The following GPX8 variants were observed in gnomAD, a reference collection of about 807,000 sequenced individuals.
GPX8 encodes the protein protein peroxidase GPX8.
A neutral mutation model predicts 17.8 loss-of-function variants in GPX8; 12 were observed. The observed-to-expected ratio is 0.67, with a 90% CI of 0.43 to 1.09. The LOEUF (loss-of-function observed/expected upper bound fraction) is 1.09. Ranked by LOEUF, GPX8 falls within the 50% of genes least tolerant of loss-of-function variation. The pLI is 0.00. For synonymous variants in GPX8, 86 were observed against 88.1 expected, an observed-to-expected ratio of 0.98 and a Z score of 0.14; for missense variants, 209 against 235.6, an observed-to-expected ratio of 0.89 and a Z score of 0.74.
chr5:55,163,820 T>G (rs1744224454), intron 2 of GPX8, among the ~76,000 whole-genome samples: 2 of 149,824 alleles, frequency 1.3e-5, no homozygotes, highest in Admixed American at 1.3e-4. Context: ...TTTGCTTCAT[T>G]TCTTGATACT....
In GPX8 at chr5:55,161,056, G is replaced by C. The variant is rs1321275097; in HGVS notation, c.267G>C (p.Leu89=). 1.5e-5 allele frequency: 25 copies of C among 1,614,042 alleles called. No individual in the cohort carries two copies. Among genetic ancestry groups the C allele is most frequent in the Non-Finnish European group, 2.0e-5 (24 of 1,180,028 alleles). ...TCACAGACAGAAATTACTTAGGGCT[G>C]AAGGAACTGCACAAAGAGTTTGGAC... is the stretch of plus-strand genomic sequence containing the variant. ...CQLTDRNYLG[L]KELHKEFGPS... The change falls in exon 2 of 3, where the codon CTG becomes CTC. Residue 89 remains leucine, a synonymous_variant. Coordinates refer to ENST00000503787, the MANE Select transcript of GPX8 (RefSeq NM_001008397.4).
chr5:55,161,239 A>AT lies in GPX8; in HGVS notation c.453dup (p.Arg152Ter). ...TTCTAGGATCTGAAGGAGAACCTGC[A>AT]TTTAGATTTCTTGTTGGTAAATATC... On this transcript the variant is annotated frameshift_variant, in exon 2 of 3. Coordinates refer to ENST00000503787, the MANE Select transcript of GPX8 (RefSeq NM_001008397.4). LOFTEE classifies it high-confidence loss of function. 6.2e-7 allele frequency: 1 copy of AT among 1,613,544 alleles called. No individual in the cohort carries two copies. The highest frequency in any genetic ancestry group is 2.2e-5 in the East Asian group (1 of 44,880).
Position 55,160,358 on chromosome 5 carries a change from A to G in GPX8, c.166A>G (p.Lys56Glu). ...TTATGCCTTTGAAGTGAAGGATGCAAAAGGAAGAACTGTTTCTCTGGAAAA... is the reference window on the plus strand; with the variant it reads ...TTATGCCTTTGAAGTGAAGGATGCAGAAGGAAGAACTGTTTCTCTGGAAAA... ...SFYAFEVKDA[K>E]GRTVSLEKYK... is the part of the protein sequence containing the mutation. The change falls in exon 1 of 3, where the codon AAA becomes GAA. Residue 56 changes from lysine to glutamate, a missense_variant. Lys to Glu is a moderately conservative substitution (Grantham distance 56, BLOSUM62 1). Transcript: ENST00000503787. The G allele has an allele frequency of 6.2e-7, 1 of 1,613,356 alleles. No homozygotes were observed. Among genetic ancestry groups the G allele is most frequent in the South Asian group, 1.1e-5 (1 of 91,050 alleles).
At position 55,161,135 on chromosome 5, in the gene GPX8, C is replaced by G. The variant is rs1411924294; in HGVS notation, c.346C>G (p.Pro116Ala). Residue 116 changes from proline (P) to alanine (A), a missense_variant, in exon 2 of 3, where the codon CCC becomes GCC. Transcript: ENST00000503787. ...FPCNQFGESEPRPSKEVESFA... is the reference protein window; with the variant it reads ...FPCNQFGESEARPSKEVESFA... Reference sequence around the variant, plus strand: ...CTGCAATCAGTTTGGAGAATCGGAGCCCCGCCCAAGCAAGGAAGTAGAATC... The same window carrying G: ...CTGCAATCAGTTTGGAGAATCGGAGGCCCGCCCAAGCAAGGAAGTAGAATC... 1 of 1,614,150 alleles carries G rather than the reference C, an allele frequency of 6.2e-7. No individual in the cohort carries two copies. The highest frequency in any genetic ancestry group is 1.7e-5 in the Admixed American group (1 of 60,010).
At position 55,160,191 on chromosome 5, in the gene GPX8, A is replaced by G; in HGVS notation, c.-2A>G. The G allele has an allele frequency of 6.2e-7, 1 of 1,612,924 alleles. No individual in the cohort carries two copies. Among genetic ancestry groups the G allele is most frequent in the Non-Finnish European group, 8.5e-7 (1 of 1,178,948 alleles). On this transcript the variant is annotated 5_prime_UTR_variant, in exon 1 of 3. Coordinates refer to ENST00000503787, the MANE Select transcript of GPX8 (RefSeq NM_001008397.4). Reference sequence around the variant, plus strand: ...TGAGACTTCCCTCTAGAATCCTCCAACATGGAGCCTCTTGCAGCTTACCCG... The same window carrying G: ...TGAGACTTCCCTCTAGAATCCTCCAGCATGGAGCCTCTTGCAGCTTACCCG...
rs532653168 is a variant in GPX8 at position 55,164,995 on chromosome 5, T to G, written c.*777T>G. 9.2e-5 allele frequency: 14 copies of G among 152,218 alleles called. No individual in the cohort carries two copies. Among genetic ancestry groups the G allele is most frequent in the African/African-American group, 3.4e-4 (14 of 41,464 alleles). 9.4% of individuals were successfully genotyped at this position (152,218 alleles called of 1,614,324 possible). On this transcript the variant is annotated 3_prime_UTR_variant, in exon 3 of 3. Coordinates refer to ENST00000503787, the MANE Select transcript of GPX8 (RefSeq NM_001008397.4). ...ATAATATTACCAAGTAAGTCAGTCT[T>G]TATTTTTGCGTGAAAATCCCAAGTG...
In GPX8 at chr5:55,164,142, AG is replaced by A. The variant is rs1473223178; in HGVS notation, c.555del (p.Glu185AspfsTer10). 1 of 1,604,846 alleles carries A rather than the reference AG, an allele frequency of 6.2e-7. No homozygotes were observed. On this transcript the variant is annotated frameshift_variant, in exon 3 of 3. Transcript: ENST00000503787. LOFTEE classifies it high-confidence loss of function. ...GTTGTGAAGTTCTGGAAGCCAGAGG[AG>A]CCCATTGAAGTCATCAGGCCTGACA... ...GQVVKFWKPE[E>X]PIEVIRPDIA... is the part of the protein sequence containing the mutation.
rs1407971170 is a variant in GPX8 at position 55,165,791 on chromosome 5, T to C, written c.*1573T>C. 6.6e-6 allele frequency: 1 copy of C among 152,244 alleles called. No homozygotes were observed. Among genetic ancestry groups the C allele is most frequent in the African/African-American group, 2.4e-5 (1 of 41,454 alleles). The allele number at this position is 152,244 out of a possible 1,614,324, so 9.4% of individuals were successfully genotyped here. ...GCTGCGTGACTTTAGGCAAGTCACT[T>C]AAGTACCTTATTTCAGTTTCCTCAC... On this transcript the variant is annotated 3_prime_UTR_variant, in exon 3 of 3. Coordinates refer to ENST00000503787, the MANE Select transcript of GPX8 (RefSeq NM_001008397.4).
intron 2 of GPX8, 64 bp from the exon 3 acceptor site, chr5:55,163,991 T>C (rs1744234964): frequency 1.6e-6 from 2 of 1,227,500 alleles, no homozygotes; most frequent in Admixed American, 2.2e-5. Flanking sequence ...CAGATACTAA[T>C]AGAAGTGAAA....
intron 2 of GPX8, among the ~76,000 whole-genome samples, chr5:55,163,388 T>G (rs557296513): frequency 2.6e-5 from 4 of 151,682 alleles, no homozygotes; most frequent in Non-Finnish European, 4.4e-5. Flanking sequence ...AATAAGGTGA[T>G]TATTCACTTT....
At chr5:55,163,793 C>T (rs1238872987) in intron 2 of GPX8, among the ~76,000 whole-genome samples, 2 of 149,992 alleles carry the variant, frequency 1.3e-5, no homozygotes, top group African/African-American at 4.9e-5. Context: ...CAGACTGAGC[C>T]ACGGCTCCCA....
rs952388521 is a variant in GPX8 at position 55,165,640 on chromosome 5, C to T, written c.*1422C>T. On this transcript the variant is annotated 3_prime_UTR_variant, in exon 3 of 3. Coordinates refer to ENST00000503787, the MANE Select transcript of GPX8 (RefSeq NM_001008397.4). The stretch of plus-strand genomic sequence containing the variant: ...TCAGAGTCCATATCCAGCCACCCAG[C>T]TATGAATGTATTTAGAAAGATATTT... 1 of 152,196 alleles carries T rather than the reference C, an allele frequency of 6.6e-6. No individual in the cohort carries two copies. The highest frequency in any genetic ancestry group is 2.4e-5 in the African/African-American group (1 of 41,442). The allele number at this position is 152,196 out of a possible 1,614,324, so 9.4% of individuals were successfully genotyped here. A position where few individuals can be genotyped will look rare whatever the true frequency, so the allele number is the denominator to read the frequency against.
rs750088272 is a variant in GPX8, at chr5:55,164,025, G to T, written c.467-30G>T. On this transcript the variant is annotated intron_variant, in intron 2 of 2. Coordinates refer to ENST00000503787, the MANE Select transcript of GPX8 (RefSeq NM_001008397.4). ...AAATCTTGACAAAGAATAAAATTAT[G>T]CTCATGAAAATATGTTCTGGATATT... The T allele has an allele frequency of 2.7e-6, 4 of 1,470,726 alleles. No individual in the cohort carries two copies. In the African/African-American group the frequency reaches 4.2e-5, roughly 16 times the overall value. The allele number at this position is 1,470,726 out of a possible 1,614,324, so 91.1% of individuals were successfully genotyped here. A position where few individuals can be genotyped will look rare whatever the true frequency, so the allele number is the denominator to read the frequency against.
chr5:55,164,093 T>G lies in GPX8; in HGVS notation c.505T>G (p.Tyr169Asp), dbSNP rs374165318. 321 of 1,599,830 alleles carry G rather than the reference T, an allele frequency of 2.0e-4. No individual in the cohort carries two copies. The highest frequency in any genetic ancestry group is 2.5e-4 in the Non-Finnish European group (298 of 1,171,154). ...GGAACCAAGGTGGAATTTTTGGAAGTATCTTGTCAACCCTGAGGGTCAAGT... is the reference window on the plus strand; with the variant it reads ...GGAACCAAGGTGGAATTTTTGGAAGGATCTTGTCAACCCTGAGGGTCAAGT... The part of the protein sequence containing the change: ...KKEPRWNFWK[Y>D]LVNPEGQVVK... The change falls in exon 3 of 3, where the codon TAT becomes GAT. Residue 169 changes from tyrosine to aspartate, a missense_variant. By Grantham distance (160) the Tyr-to-Asp change is radical. Transcript: ENST00000503787.
chr5:55,162,290 GGAGGCT>G (rs888989271), intron 2 of GPX8, among the ~76,000 whole-genome samples: 4 of 152,132 alleles, frequency 2.6e-5, no homozygotes, highest in African/African-American at 9.7e-5. Flanking sequence ...CAGCTATTCA[GGAGGCT>G]GAGGCAGGAG....
intron 2 of GPX8, among the ~76,000 whole-genome samples, chr5:55,162,638 C>A (rs1744139083): frequency 6.6e-6 from 1 of 152,148 alleles, no homozygotes. Flanking sequence ...TGCCTAACGC[C>A]ATAAATGGCA....
intron 1 of GPX8, chr5:55,160,663 T>C (rs191411128): frequency 4.2e-6 from 2 of 478,154 alleles, no homozygotes; most frequent in East Asian, 3.6e-5. Flanking sequence ...TAGTTAGTAA[T>C]GTGAACATGA....
At chr5:55,160,653 T>C (rs553020141) in intron 1 of GPX8, 10 of 491,876 alleles carry the variant, frequency 2.0e-5, no homozygotes, top group African/African-American at 9.9e-5. Flanking sequence ...AAAATACTTA[T>C]AGTTAGTAAT....
At chr5:55,160,521 A>G in intron 1 of GPX8, 125 bp downstream of exon 1, 1 of 656,910 alleles carries the variant, frequency 1.5e-6, no homozygotes. Flanking sequence ...GAGTAATGGT[A>G]TTAGTACATC....
Sources: allele counts gnomAD v4.1 joint callset (sites outside exome capture counted in the v4.1 genomes callset), GRCh38; gene constraint gnomAD v4.1.1; transcripts MANE v1.5; gene names NCBI Gene and HGNC (gene_info 2026-07-23, HGNC 2026-07-21).